Variants in MTREX observed in about 807,000 individuals in gnomAD.
MTREX encodes Mtr4 exosome RNA helicase.
MTREX carries 76 observed loss-of-function variants against 135.4 expected under a neutral mutation model. The ratio of observed to expected loss-of-function variants is 0.56; its 90% CI spans 0.47 to 0.68. The LOEUF (loss-of-function observed/expected upper bound fraction) is 0.68. MTREX is among the 30% of genes least tolerant of loss of function. The pLI, the probability that MTREX is intolerant of heterozygous loss-of-function variation, is 0.00. For missense variants in MTREX, 920 were observed against 1,262.1 expected, an observed-to-expected ratio of 0.73 and a Z score of 4.11; for synonymous variants, 404 against 401.6, an observed-to-expected ratio of 1.01 and a Z score of -0.07.
chr5:55,425,399 T>A lies in MTREX; in HGVS notation c.*627T>A, dbSNP rs527598740. On this transcript the variant is annotated 3_prime_UTR_variant, in exon 27 of 27. Coordinates refer to ENST00000230640, the MANE Select transcript of MTREX (RefSeq NM_015360.5). ...TTAAAAACTACATACAAAGTTGTGA[T>A]CAACAGCATCCTAAGATAAATATAA... 75 of 1,391,206 alleles carry A rather than the reference T, an allele frequency of 5.4e-5. No individual in the cohort carries two copies. The East Asian group carries it at 1.5e-3, about 28-fold the overall frequency. 86.2% of individuals were successfully genotyped at this position (1,391,206 alleles called of 1,614,324 possible). A position where few individuals can be genotyped will look rare whatever the true frequency, so the allele number is the denominator to read the frequency against.
At chr5:55,322,508 G>A (rs1416907885) in intron 2 of MTREX, 44 bp downstream of exon 2, 1 of 1,454,448 alleles carries the variant, frequency 6.9e-7, no homozygotes, top group South Asian at 1.4e-5. Flanking sequence ...CATAATTCAG[G>A]TGGTTACATG....
chr5:55,367,484 CAAAA>C (rs200853559), intron 16 of MTREX, among the ~76,000 whole-genome samples: 1 of 102,858 alleles, frequency 9.7e-6, no homozygotes, highest in Non-Finnish European at 2.1e-5. Context: ...GACTCCGACT[CAAAA>C]AAAAAAAAAA....
At chr5:55,323,815 A>G (rs3852136) in intron 2 of MTREX, among the ~76,000 whole-genome samples, 41 of 152,212 alleles carry the variant, frequency 2.7e-4, no homozygotes, top group Admixed American at 2.5e-3. Context: ...TATGTTTTGA[A>G]GTGGTGACAG....
At chr5:55,332,267 C>G (rs1304068853) in intron 5 of MTREX, among the ~76,000 whole-genome samples, 1 of 152,126 alleles carries the variant, frequency 6.6e-6, no homozygotes, top group African/African-American at 2.4e-5. Flanking sequence ...GTTTTGCAAT[C>G]TGTTGTAGAT....
rs551268126 is a variant in MTREX at position 55,414,134 on chromosome 5, T to C, written c.2752-48T>C. On this transcript the variant is annotated intron_variant, in intron 23 of 26. Transcript: ENST00000230640. ...TAAAACGGGTAGTGTGAAAAACCAG[T>C]AACTTTAAACGTGGGTTTTTATATC... 6.5e-6 allele frequency: 9 copies of C among 1,375,542 alleles called. 1 individual carries two copies. Among genetic ancestry groups the C allele is most frequent in the Middle Eastern group, 1.8e-4 (1 of 5,410 alleles). 85.2% of individuals were successfully genotyped at this position (1,375,542 alleles called of 1,614,324 possible). A position where few individuals can be genotyped will look rare whatever the true frequency, so the allele number is the denominator to read the frequency against.
intron 22 of MTREX, among the ~76,000 whole-genome samples, chr5:55,406,973 G>A (rs1414017417): frequency 6.6e-6 from 1 of 152,176 alleles, no homozygotes; most frequent in African/African-American, 2.4e-5. Context: ...TAACTGGAAA[G>A]TCATAAACTG....
chr5:55,317,884 A>G (rs921161481), intron 1 of MTREX, among the ~76,000 whole-genome samples: 3 of 152,248 alleles, frequency 2.0e-5, no homozygotes, highest in Non-Finnish European at 4.4e-5. Context: ...TGCATTTGAC[A>G]AAGGTCTAAT....
intron 18 of MTREX, among the ~76,000 whole-genome samples, chr5:55,387,556 T>C (rs955999179): frequency 2.0e-5 from 3 of 152,064 alleles, no homozygotes; most frequent in Admixed American, 2.0e-4. Flanking sequence ...TTACAGAATA[T>C]TAAAGACTAA....
intron 1 of MTREX, among the ~76,000 whole-genome samples, chr5:55,313,044 T>C (rs975266683): frequency 6.6e-6 from 1 of 152,290 alleles, no homozygotes; most frequent in African/African-American, 2.4e-5. Flanking sequence ...TTATAAAAAA[T>C]AGAATTCATA....
In MTREX at chr5:55,330,060, CATT is replaced by C. The variant is rs564517125; in HGVS notation, c.515+1250_515+1252del. Among the ~76,000 whole-genome samples, 433 of 151,986 alleles carry C rather than the reference CATT, an allele frequency of 2.8e-3. 2 individuals carry two copies. The highest frequency in any genetic ancestry group is 0.01 in the African/African-American group (421 of 41,508). ...GAATTTTCTAATCTGCTGTTAATCT[CATT>C]GAGTGCTACTTTTTTATTGGTTGGT... On this transcript the variant is annotated intron_variant, in intron 5 of 26. Transcript: ENST00000230640.
At chr5:55,372,865 T>G (rs1750225844) in intron 16 of MTREX, among the ~76,000 whole-genome samples, 1 of 149,470 alleles carries the variant, frequency 6.7e-6, no homozygotes, top group Non-Finnish European at 1.5e-5. Flanking sequence ...AAAAAGAAAT[T>G]GGATTTTACC....
In MTREX at chr5:55,424,799, A is replaced by AAATT; in HGVS notation, c.*29_*32dup. Reference sequence around the variant, plus strand: ...GTCAGCTAAAGGAATGTGAGATTTTAAATTATTGACCACCTGTTTGATTAC... The same window carrying AAATT: ...GTCAGCTAAAGGAATGTGAGATTTTAAATTAATTATTGACCACCTGTTTGATTAC... On this transcript the variant is annotated 3_prime_UTR_variant, in exon 27 of 27. Coordinates refer to ENST00000230640, the MANE Select transcript of MTREX (RefSeq NM_015360.5). The AAATT allele has an allele frequency of 6.4e-7, 1 of 1,550,666 alleles. No individual in the cohort carries two copies. Among genetic ancestry groups the AAATT allele is most frequent in the Middle Eastern group, 1.7e-4 (1 of 5,964 alleles).
chr5:55,366,249 G>A (rs768869421), intron 15 of MTREX, among the ~76,000 whole-genome samples: 3 of 152,150 alleles, frequency 2.0e-5, no homozygotes, highest in Non-Finnish European at 2.9e-5. Flanking sequence ...ATCATTTTGG[G>A]AGGCTGAAGT....
chr5:55,411,674 T>G (rs1315570147), intron 23 of MTREX, among the ~76,000 whole-genome samples: 1 of 152,152 alleles, frequency 6.6e-6, no homozygotes. Flanking sequence ...AGGACAATAA[T>G]CCAAAAACAG....
chr5:55,332,284 TTTTGA>T (rs904077581), intron 5 of MTREX, among the ~76,000 whole-genome samples: 1 of 152,236 alleles, frequency 6.6e-6, no homozygotes, highest in African/African-American at 2.4e-5. Flanking sequence ...AGATTGACTC[TTTTGA>T]TTTAACTTTT....
chr5:55,341,400 TTCTC>T (rs1235343442), intron 6 of MTREX, among the ~76,000 whole-genome samples: 1 of 152,180 alleles, frequency 6.6e-6, no homozygotes, highest in Non-Finnish European at 1.5e-5. Context: ...GGGGTGATAA[TTCTC>T]TCTGTGGATT....
In MTREX at chr5:55,408,196, T is replaced by C. The variant is rs202224206; in HGVS notation, c.2646-2328T>C. On this transcript the variant is annotated intron_variant, in intron 22 of 26. Coordinates refer to ENST00000230640, the MANE Select transcript of MTREX (RefSeq NM_015360.5). The stretch of plus-strand genomic sequence containing the variant: ...GCCACACCCCACACATGCTTTTCCT[T>C]TTGCTTCATATGACCTTTCACCCCC... Among the ~76,000 whole-genome samples, 7 of 152,296 alleles carry C rather than the reference T, an allele frequency of 4.6e-5. No homozygotes were observed. The East Asian group carries it at 1.4e-3, about 29-fold the overall frequency.
In MTREX at chr5:55,410,507, T is replaced by A; in HGVS notation, c.2646-17T>A. 8.8e-7 allele frequency: 1 copy of A among 1,137,320 alleles called. No homozygotes were observed. Among genetic ancestry groups the A allele is most frequent in the Non-Finnish European group, 1.3e-6 (1 of 791,432 alleles). The allele number at this position is 1,137,320 out of a possible 1,614,324, so 70.5% of individuals were successfully genotyped here. A position where few individuals can be genotyped will look rare whatever the true frequency, so the allele number is the denominator to read the frequency against. On this transcript the variant is annotated splice_polypyrimidine_tract_variant and intron_variant, in intron 22 of 26. Coordinates refer to ENST00000230640, the MANE Select transcript of MTREX (RefSeq NM_015360.5). Reference sequence around the variant, plus strand: ...CTTTATATTCTGACATTTTATTCTTTTGTTTTGCCATTGTAGTGCTGATGA... The same window carrying A: ...CTTTATATTCTGACATTTTATTCTTATGTTTTGCCATTGTAGTGCTGATGA...
intron 22 of MTREX, among the ~76,000 whole-genome samples, chr5:55,409,334 A>G (rs1273746219): frequency 6.6e-6 from 1 of 152,218 alleles, no homozygotes; most frequent in Non-Finnish European, 1.5e-5. Flanking sequence ...GTCTATGATA[A>G]GAACCTGGAC....
Sources: gnomAD v4.1 joint callset for allele counts (sites outside exome capture counted in the v4.1 genomes callset) on GRCh38, gnomAD v4.1.1 for gene constraint, MANE v1.5 for transcripts, NCBI Gene and HGNC (gene_info 2026-07-23, HGNC 2026-07-21) for gene names.